CMC2: variants seen among roughly 807,000 people sequenced by gnomAD.
CMC2 encodes COX assembly mitochondrial protein 2 homolog.
In CMC2, 5 loss-of-function variants were observed where a neutral mutation model predicts 7.5. The ratio of observed to expected loss-of-function variants is 0.66; its 90% confidence interval spans 0.35 to 1.40. The LOEUF (loss-of-function observed/expected upper bound fraction) is 1.40, where lower values mean the gene tolerates loss of function less well. CMC2 is among the 40% of genes most tolerant of loss of function. The probability of loss-of-function intolerance (pLI) is 0.04; values close to 1 mark genes in which losing one functional copy is unlikely to be tolerated. For missense variants in CMC2, 115 were observed against 92.3 expected (o/e 1.25, Z -1.01); for synonymous variants, 37 against 31.4 (o/e 1.18, Z -0.60).
intron 3 of CMC2, chr16:80,980,668 C>A (rs1428907541): frequency 4.0e-6 from 2 of 504,904 alleles, no homozygotes; most frequent in African/African-American, 2.0e-5. Flanking sequence ...GGTGGGAGGA[C>A]TGCTTGAGGT....
Position 80,972,029 on chromosome 16 carries a change from G to T in CMC2, c.*4064C>A, listed in dbSNP as rs1911964793. Reference sequence around the variant, plus strand: ...TTCTCCATCTCCTGTCCTCCCATGTGACCAGCTGCCGGTGAGATCAGACTA... The same window carrying T: ...TTCTCCATCTCCTGTCCTCCCATGTTACCAGCTGCCGGTGAGATCAGACTA... On this transcript the variant is annotated 3_prime_UTR_variant, in exon 4 of 4. Transcript: ENST00000219400. The T allele has an allele frequency of 3.9e-5, 6 of 152,184 alleles. No homozygotes were observed. In the South Asian group the frequency reaches 1.2e-3, roughly 32 times the overall value. 9.4% of individuals were successfully genotyped at this position (152,184 alleles called of 1,614,324 possible).
At chr16:80,989,543 C>G (rs1274544793) in intron 2 of CMC2, among the ~76,000 whole-genome samples, 1 of 152,196 alleles carries the variant, frequency 6.6e-6, no homozygotes. Context: ...CTTGTTCTTT[C>G]CCAGCCCTAG....
intron 3 of CMC2, among the ~76,000 whole-genome samples, chr16:80,979,601 ATTTATTTTTTAT>A (rs1417966248): frequency 2.7e-5 from 4 of 150,746 alleles, no homozygotes; most frequent in African/African-American, 7.4e-5. Context: ...TATTTATTTT[ATTTATTTTTTAT>A]TTTATTTTTT....
At chr16:81,005,439 T>TATAA (rs1252502395) in intron 1 of CMC2, among the ~76,000 whole-genome samples, 35 of 149,854 alleles carry the variant, frequency 2.3e-4, no homozygotes, top group African/African-American at 8.5e-4. Flanking sequence ...TATATATATA[T>TATAA]AAATAAATAA....
rs760688812 is a variant in CMC2 at position 80,997,379 on chromosome 16, A to G, written c.16T>C (p.Ser6Pro). ...CATTCTTCAGTGTGCAAGTGTGGAG[A>G]TAAGTCAGGATGCATCTTTAGGAGA... The part of the protein sequence containing the change: MHPDL[S>P]PHLHTEECNV... Residue 6 changes from serine (S) to proline (P), a missense_variant, in exon 2 of 4, where the codon TCT (serine) becomes CCT (proline). Transcript: ENST00000219400. The G allele has an allele frequency of 3.1e-6, 5 of 1,610,702 alleles. No individual in the cohort carries two copies. In the Admixed American group the frequency reaches 5.0e-5, roughly 16 times the overall value.
At chr16:80,981,925 G>C in intron 2 of CMC2, 48 bp from the exon 3 acceptor site, 1 of 1,216,040 alleles carries the variant, frequency 8.2e-7, no homozygotes, top group Non-Finnish European at 1.2e-6. Flanking sequence ...AATATGCCAA[G>C]GTTTGGGGCA....
rs1429730768 is a variant in CMC2, at chr16:80,969,617, G to C, written c.*6476C>G. The C allele has an allele frequency of 6.6e-6, 1 of 152,362 alleles. No homozygotes were observed. Among genetic ancestry groups the C allele is most frequent in the East Asian group, 1.9e-4 (1 of 5,200 alleles). The allele number at this position is 152,362 out of a possible 1,614,324, so 9.4% of individuals were successfully genotyped here. On this transcript the variant is annotated 3_prime_UTR_variant, in exon 4 of 4. Coordinates refer to ENST00000219400, the MANE Select transcript of CMC2 (RefSeq NM_020188.5). ...GAAGTGATGAAGAGAGCCAGGCACG[G>C]TGGTTCAGGCCTGTAATCCCAGCAC...
intron 1 of CMC2, among the ~76,000 whole-genome samples, chr16:81,002,764 C>T (rs1968964967): frequency 1.3e-5 from 2 of 152,140 alleles, no homozygotes; most frequent in African/African-American, 4.8e-5. Flanking sequence ...AACGTCTTCC[C>T]TTCTAATTCA....
At chr16:80,982,572 A>G (rs1967208029) in intron 2 of CMC2, 2 of 151,522 alleles carry the variant, frequency 1.3e-5, no homozygotes, top group South Asian at 4.2e-4. Flanking sequence ...ATTTACTACC[A>G]TAAAACATAT....
chr16:80,994,905 G>A (rs1338657122), intron 2 of CMC2, among the ~76,000 whole-genome samples: 2 of 152,138 alleles, frequency 1.3e-5, no homozygotes, highest in African/African-American at 4.8e-5. Context: ...CAGCACTTTG[G>A]GGGGCCATGG....
chr16:80,976,449 T>C (rs1479123289), intron 3 of CMC2, among the ~76,000 whole-genome samples: 1 of 152,172 alleles, frequency 6.6e-6, no homozygotes, highest in African/African-American at 2.4e-5. Flanking sequence ...GCACAAATGT[T>C]TGCTCAATCA....
At chr16:81,000,843 G>A (rs1190266526) in intron 1 of CMC2, among the ~76,000 whole-genome samples, 1 of 152,076 alleles carries the variant, frequency 6.6e-6, no homozygotes, top group African/African-American at 2.4e-5. Flanking sequence ...CCCATTACTG[G>A]GTATATAGCC....
chr16:81,006,042 G>T (rs1436475950), intron 1 of CMC2, among the ~76,000 whole-genome samples: 1 of 152,142 alleles, frequency 6.6e-6, no homozygotes, highest in African/African-American at 2.4e-5. Context: ...GATACGAATG[G>T]CATCACAACA....
intron 2 of CMC2, among the ~76,000 whole-genome samples, chr16:80,992,493 C>T (rs1968079623): frequency 6.6e-6 from 1 of 152,188 alleles, no homozygotes; most frequent in South Asian, 2.1e-4. Flanking sequence ...TGAGGGTATA[C>T]AGTGTTGCCA....
At chr16:81,003,433 TA>T (rs1969013141) in intron 1 of CMC2, among the ~76,000 whole-genome samples, 2 of 152,178 alleles carry the variant, frequency 1.3e-5, no homozygotes, top group South Asian at 4.1e-4. Flanking sequence ...ATGAAACGGG[TA>T]GCCTTTTAAA....
intron 1 of CMC2, chr16:80,998,941 T>C (rs1196708979): frequency 4.5e-5 from 4 of 88,020 alleles, no homozygotes; most frequent in Admixed American, 3.6e-4. Flanking sequence ...CTGAAGAACA[T>C]ACCTCAAAAT....
chr16:80,970,527 T>C lies in CMC2; in HGVS notation c.*5566A>G, dbSNP rs999130242. On this transcript the variant is annotated 3_prime_UTR_variant, in exon 4 of 4. Coordinates refer to ENST00000219400, the MANE Select transcript of CMC2 (RefSeq NM_020188.5). The stretch of plus-strand genomic sequence containing the variant: ...GTCAGTGAAATGTAAGGATTTAACA[T>C]CAGTCACAAGAGAAGTCTGATGTAT... The C allele has an allele frequency of 1.3e-5, 2 of 152,208 alleles. No homozygotes were observed. Among genetic ancestry groups the C allele is most frequent in the Non-Finnish European group, 2.9e-5 (2 of 68,032 alleles). 9.4% of individuals were successfully genotyped at this position (152,208 alleles called of 1,614,324 possible).
At chr16:80,993,697 CTAGAG>C (rs80105627) in intron 2 of CMC2, among the ~76,000 whole-genome samples, 98,473 of 151,338 alleles carry the variant, frequency 0.65, 33,755 homozygotes, top group Middle Eastern at 0.8. Context: ...TAAGCTAACT[CTAGAG>C]TAAAGACTAT....
At position 80,967,129 on chromosome 16, in the gene CMC2, GAAT is replaced by G. The variant is rs1260296635; in HGVS notation, c.*8961_*8963del. On this transcript the variant is annotated 3_prime_UTR_variant, in exon 4 of 4. Transcript: ENST00000219400. ...ACTGTCCTAAGAGCTGCAGATACAG[GAAT>G]AATGTGGTGTCTGCCCAGAGAGGTG... The G allele has an allele frequency of 6.6e-6, 1 of 152,174 alleles. No individual in the cohort carries two copies. The highest frequency in any genetic ancestry group is 1.5e-5 in the Non-Finnish European group (1 of 68,038). The allele number at this position is 152,174 out of a possible 1,614,324, so 9.4% of individuals were successfully genotyped here. A position where few individuals can be genotyped will look rare whatever the true frequency, so the allele number is the denominator to read the frequency against.
Sources: gnomAD v4.1 joint callset for allele counts (sites outside exome capture counted in the v4.1 genomes callset) on GRCh38, gnomAD v4.1.1 for gene constraint, MANE v1.5 for transcripts, NCBI Gene and HGNC (gene_info 2026-07-23, HGNC 2026-07-21) for gene names.